Variants in HNF4G observed in about 807,000 individuals in gnomAD.
HNF4G encodes the protein hepatocyte nuclear factor 4-gamma.
A neutral mutation model predicts 50.9 loss-of-function variants in HNF4G; 21 were observed. The observed-to-expected ratio is 0.41, with a 90% confidence interval of 0.29 to 0.59. The LOEUF is 0.59. HNF4G is among the 20% of genes least tolerant of loss of function. The pLI, the probability that HNF4G is intolerant of heterozygous loss-of-function variation, is 0.26. For synonymous variants in HNF4G, 198 were observed against 185.6 expected, an observed-to-expected ratio of 1.07 and a Z score of -0.54; for missense variants, 527 against 559.4, an observed-to-expected ratio of 0.94 and a Z score of 0.58.
chr8:75,413,729 C>T (rs949465315), intron 1 of HNF4G, among the ~76,000 whole-genome samples: 23 of 151,744 alleles, frequency 1.5e-4, no homozygotes, highest in Non-Finnish European at 2.6e-4. Context: ...TGGTGGCGGG[C>T]GCCTGTAAGC....
rs184191459 is a variant in HNF4G, at chr8:75,531,270, G to A, written c.-23-12541G>A. Among the ~76,000 whole-genome samples, 180 of 152,200 alleles carry A rather than the reference G, an allele frequency of 1.2e-3. 1 individual carries two copies. The highest frequency in any genetic ancestry group is 4.1e-3 in the African/African-American group (172 of 41,548). On this transcript the variant is annotated intron_variant, in intron 2 of 10. Transcript: ENST00000354370. ...TCTTGATGAAGAAATGTTAAGTACA[G>A]ATAGAAAGAGCTCATCAAGTTCCAT... is the stretch of plus-strand genomic sequence containing the variant.
At chr8:75,526,109 T>A (rs1187416359) in intron 2 of HNF4G, among the ~76,000 whole-genome samples, 3 of 78,192 alleles carry the variant, frequency 3.8e-5, no homozygotes, top group African/African-American at 1.5e-4. Flanking sequence ...TGCTCAAATT[T>A]ATTTATTTAT....
chr8:75,418,816 C>T (rs979981288), intron 1 of HNF4G, among the ~76,000 whole-genome samples: 1 of 151,468 alleles, frequency 6.6e-6, no homozygotes, highest in Non-Finnish European at 1.5e-5. Context: ...CAACCTCCGC[C>T]TCCCGGGTTC....
At chr8:75,500,688 A>T (rs1434647373) in intron 2 of HNF4G, among the ~76,000 whole-genome samples, 1 of 152,180 alleles carries the variant, frequency 6.6e-6, no homozygotes, top group Non-Finnish European at 1.5e-5. Context: ...AGCCATAAAA[A>T]AATGAAGTGT....
intron 1 of HNF4G, among the ~76,000 whole-genome samples, chr8:75,450,381 T>C (rs1713332481): frequency 6.6e-6 from 1 of 152,132 alleles, no homozygotes; most frequent in African/African-American, 2.4e-5. Context: ...AAAACAAAAA[T>C]CAAATATTAA....
chr8:75,556,508 G>A (rs1219959746), intron 6 of HNF4G, among the ~76,000 whole-genome samples: 1 of 152,070 alleles, frequency 6.6e-6, no homozygotes, highest in Non-Finnish European at 1.5e-5. Flanking sequence ...GCTACAAAAT[G>A]ATCAAGTAAA....
At chr8:75,438,285 C>T (rs1811189510) in intron 1 of HNF4G, among the ~76,000 whole-genome samples, 1 of 152,188 alleles carries the variant, frequency 6.6e-6, no homozygotes, top group Non-Finnish European at 1.5e-5. Context: ...TTTGTCTCTT[C>T]TTATACAGCC....
At chr8:75,543,744 A>G in intron 1 of HNF4G, 67 bp from the exon 2 acceptor site, 9 of 1,350,506 alleles carry the variant, frequency 6.7e-6, no homozygotes, top group Non-Finnish European at 9.2e-6. Flanking sequence ...CCTATAAATA[A>G]TTAGTAGGAC....
At chr8:75,559,440 A>C (rs1807241241) in intron 8 of HNF4G, among the ~76,000 whole-genome samples, 1 of 151,938 alleles carries the variant, frequency 6.6e-6, no homozygotes, top group Non-Finnish European at 1.5e-5. Context: ...CGCCTGGCTA[A>C]TTTTTGTATT....
chr8:75,487,827 A>T (rs967991121), intron 1 of HNF4G, among the ~76,000 whole-genome samples: 1 of 152,196 alleles, frequency 6.6e-6, no homozygotes, highest in Non-Finnish European at 1.5e-5. Context: ...AAAGAAAGAG[A>T]TTTGACTCAC....
chr8:75,554,906 G>C (rs796142663), intron 5 of HNF4G, among the ~76,000 whole-genome samples: 3 of 152,276 alleles, frequency 2.0e-5, no homozygotes, highest in African/African-American at 7.2e-5. Flanking sequence ...AAGGGGCCAA[G>C]CCCAGGAGAA....
Position 75,435,171 on chromosome 8 carries a change from G to A in HNF4G, c.-144+27009G>A, listed in dbSNP as rs972031874. The stretch of plus-strand genomic sequence containing the variant: ...ATGCAAAGGCCTATACAAAATATTA[G>A]GAAAGAAAAACTAAATTTGTTTATA... On this transcript the variant is annotated intron_variant, in intron 1 of 10. Transcript: ENST00000354370. Among the ~76,000 whole-genome samples, 4 of 152,032 alleles carry A rather than the reference G, an allele frequency of 2.6e-5. No homozygotes were observed. The East Asian group carries it at 5.8e-4, about 22-fold the overall frequency.
chr8:75,448,589 A>G (rs951386658), intron 1 of HNF4G, among the ~76,000 whole-genome samples: 28 of 151,514 alleles, frequency 1.8e-4, no homozygotes, highest in African/African-American at 6.3e-4. Flanking sequence ...TGTGCTTATA[A>G]TATGTTATTG....
At chr8:75,505,766 T>A (rs1487227929) in intron 2 of HNF4G, among the ~76,000 whole-genome samples, 1 of 151,798 alleles carries the variant, frequency 6.6e-6, no homozygotes, top group Non-Finnish European at 1.5e-5. Context: ...AGTTTAAAAA[T>A]CATCTGAGAA....
chr8:75,509,856 T>G (rs1805701429), intron 2 of HNF4G, among the ~76,000 whole-genome samples: 1 of 152,248 alleles, frequency 6.6e-6, no homozygotes, highest in African/African-American at 2.4e-5. Context: ...TTAGGTACAG[T>G]GCCTAACACT....
intron 9 of HNF4G, among the ~76,000 whole-genome samples, chr8:75,563,346 C>T (rs1406612846): frequency 6.6e-6 from 1 of 151,598 alleles, no homozygotes; most frequent in East Asian, 1.9e-4. Flanking sequence ...TATTCAGTTA[C>T]TTTATATTCA....
chr8:75,468,318 A>C (rs550840188), intron 1 of HNF4G, among the ~76,000 whole-genome samples: 2 of 152,094 alleles, frequency 1.3e-5, no homozygotes, highest in African/African-American at 4.8e-5. Context: ...AGTTTTGCAG[A>C]GGTCACTTAG....
chr8:75,497,090 G>A lies in HNF4G; in HGVS notation c.-24+6882G>A, dbSNP rs1377216357. 6.6e-5 allele frequency among the ~76,000 whole-genome samples: 10 copies of A among 152,252 alleles called. No homozygotes were observed. In the East Asian group the frequency reaches 1.7e-3, roughly 27 times the overall value. Reference sequence around the variant, plus strand: ...GCTTTGATGGGGGTATATAAATGCTGTGTAGATGAGAAGGGCTTGAGGACT... The same window carrying A: ...GCTTTGATGGGGGTATATAAATGCTATGTAGATGAGAAGGGCTTGAGGACT... On this transcript the variant is annotated intron_variant, in intron 2 of 10. Coordinates refer to the HNF4G transcript ENST00000354370.
chr8:75,556,104 T>C (rs1807114888), intron 6 of HNF4G, 35 bp downstream of exon 6: 8 of 1,187,820 alleles, frequency 6.7e-6, no homozygotes, highest in Non-Finnish European at 9.7e-6. Context: ...GAAGAAATTA[T>C]GCATATTTTA....
Sources: gnomAD v4.1 joint callset for allele counts (sites outside exome capture counted in the v4.1 genomes callset) on GRCh38, gnomAD v4.1.1 for gene constraint, MANE v1.5 for transcripts, NCBI Gene and HGNC (gene_info 2026-07-23, HGNC 2026-07-21) for gene names.